Variants in CORIN observed in about 807,000 individuals in gnomAD.
CORIN encodes the protein atrial natriuretic peptide-converting enzyme.
CORIN carries 117 observed loss-of-function variants against 125.3 expected under a neutral mutation model. The ratio of observed to expected loss-of-function variants is 0.93; its 90% CI spans 0.80 to 1.09. The LOEUF (loss-of-function observed/expected upper bound fraction) is 1.09. Among genes scored for constraint, CORIN ranks in the 50% least tolerant of loss-of-function variants. CORIN has a pLI of 0.00. For synonymous variants in CORIN, 450 were observed against 466.4 expected (o/e 0.96, Z 0.45); for missense variants, 1,253 against 1,306.7 (o/e 0.96, Z 0.63).
intron 19 of CORIN, among the ~76,000 whole-genome samples, chr4:47,606,548 C>T (rs922445561): frequency 1.3e-4 from 20 of 152,152 alleles, no homozygotes; most frequent in Admixed American, 6.5e-5. Context: ...GCCACCAAGC[C>T]CAGCCCAGAA....
chr4:47,595,132 G>A lies in CORIN; in HGVS notation c.*589C>T, dbSNP rs936913272. The A allele has an allele frequency of 8.5e-5, 13 of 152,054 alleles. No individual in the cohort carries two copies. Among genetic ancestry groups the A allele is most frequent in the African/African-American group, 4.8e-5 (2 of 41,392 alleles). The allele number at this position is 152,054 out of a possible 1,614,324, so 9.4% of individuals were successfully genotyped here. ...CTTGGCTTTTAATAAATCAAATGAC[G>A]AGTTACTGGGTTCAGCACACCAACA... is the stretch of plus-strand genomic sequence containing the variant. On this transcript the variant is annotated 3_prime_UTR_variant, in exon 22 of 22. Coordinates refer to ENST00000273857, the MANE Select transcript of CORIN (RefSeq NM_006587.4).
chr4:47,615,284 G>C (rs1275916736), intron 19 of CORIN, among the ~76,000 whole-genome samples: 1 of 152,146 alleles, frequency 6.6e-6, no homozygotes, highest in Admixed American at 6.5e-5. Context: ...CCAATGTAGG[G>C]TTTTAAGCAG....
chr4:47,665,094 A>G lies in CORIN; in HGVS notation c.1527T>C (p.Phe509=). Residue 509 remains phenylalanine (F), a synonymous_variant, in exon 11 of 22, where the codon TTT becomes TTC. Coordinates refer to ENST00000273857, the MANE Select transcript of CORIN (RefSeq NM_006587.4). ...QTNCYKYLMF[F]SCTILVPKCD... ...ATTTTGGTACCAAAATGGTGCAAGA[A>G]AAGAACATGAGGTATTTATAACAGT... The G allele has an allele frequency of 6.2e-7, 1 of 1,613,882 alleles. No homozygotes were observed. The highest frequency in any genetic ancestry group is 2.2e-5 in the East Asian group (1 of 44,838).
chr4:47,831,234 T>A (rs1238577382), intron 1 of CORIN, among the ~76,000 whole-genome samples: 1 of 152,194 alleles, frequency 6.6e-6, no homozygotes, highest in Non-Finnish European at 1.5e-5. Context: ...TGTAGAAATG[T>A]ATTGCAGGAG....
intron 5 of CORIN, among the ~76,000 whole-genome samples, chr4:47,720,655 T>G (rs754611697): frequency 5.3e-5 from 8 of 152,234 alleles, no homozygotes; most frequent in Non-Finnish European, 1.0e-4. Flanking sequence ...AACTCATCCC[T>G]TCTTTCGTGG....
chr4:47,618,651 T>C (rs1425182008), intron 19 of CORIN, among the ~76,000 whole-genome samples: 4 of 150,486 alleles, frequency 2.7e-5, no homozygotes, highest in Admixed American at 6.6e-5. Context: ...AACCCCGTCT[T>C]TACTAAAAAT....
chr4:47,825,323 CGAGGTATTCT>C (rs1489608876), intron 1 of CORIN, among the ~76,000 whole-genome samples: 3 of 152,128 alleles, frequency 2.0e-5, no homozygotes, highest in Non-Finnish European at 2.9e-5. Flanking sequence ...CCCTTGCAGG[CGAGGTATTCT>C]GCCGGGCTTT....
At chr4:47,606,500 C>T (rs1721649002) in intron 19 of CORIN, among the ~76,000 whole-genome samples, 1 of 152,090 alleles carries the variant, frequency 6.6e-6, no homozygotes, top group Non-Finnish European at 1.5e-5. Flanking sequence ...CTCAAGCAAT[C>T]CTCCCGCCTT....
At chr4:47,625,334 T>C (rs1286369863) in intron 17 of CORIN, among the ~76,000 whole-genome samples, 2 of 152,062 alleles carry the variant, frequency 1.3e-5, no homozygotes, top group Non-Finnish European at 2.9e-5. Context: ...TCATCCAACT[T>C]CTTAGTGGAA....
At chr4:47,675,640 C>T (rs764746829) in intron 9 of CORIN, among the ~76,000 whole-genome samples, 2 of 152,130 alleles carry the variant, frequency 1.3e-5, no homozygotes, top group Non-Finnish European at 2.9e-5. Flanking sequence ...GCATAATACC[C>T]CCTGGGAAGT....
At chr4:47,724,088 G>A (rs981182350) in intron 5 of CORIN, among the ~76,000 whole-genome samples, 1 of 151,446 alleles carries the variant, frequency 6.6e-6, no homozygotes, top group African/African-American at 2.4e-5. Flanking sequence ...TGACCTAGAT[G>A]TTGAAATTAT....
At chr4:47,773,723 A>C (rs1447983167) in intron 3 of CORIN, among the ~76,000 whole-genome samples, 1 of 151,986 alleles carries the variant, frequency 6.6e-6, no homozygotes, top group Admixed American at 6.6e-5. Flanking sequence ...AATACACATA[A>C]AACATGTCAT....
At chr4:47,639,334 T>G (rs1723147908) in intron 16 of CORIN, among the ~76,000 whole-genome samples, 1 of 152,200 alleles carries the variant, frequency 6.6e-6, no homozygotes, top group South Asian at 2.1e-4. Flanking sequence ...GCAAAATATC[T>G]GGACTTTTTT....
At chr4:47,745,776 C>A (rs1728636266) in intron 4 of CORIN, among the ~76,000 whole-genome samples, 2 of 152,178 alleles carry the variant, frequency 1.3e-5, no homozygotes, top group Admixed American at 1.3e-4. Context: ...GATAGGCCAG[C>A]CGTTGAGATC....
At chr4:47,658,926 C>T (rs1342422226) in intron 12 of CORIN, among the ~76,000 whole-genome samples, 3 of 152,222 alleles carry the variant, frequency 2.0e-5, no homozygotes, top group Non-Finnish European at 4.4e-5. Context: ...GCTCCTGTAT[C>T]TGAGCACAGG....
At chr4:47,760,224 T>G (rs1474656608) in intron 4 of CORIN, among the ~76,000 whole-genome samples, 1 of 152,202 alleles carries the variant, frequency 6.6e-6, no homozygotes, top group Non-Finnish European at 1.5e-5. Flanking sequence ...GAAAACAACA[T>G]TCATCTCCTC....
chr4:47,787,706 T>G (rs1056969904), intron 2 of CORIN, among the ~76,000 whole-genome samples: 1 of 152,242 alleles, frequency 6.6e-6, no homozygotes, highest in Non-Finnish European at 1.5e-5. Context: ...GAGATTTTGG[T>G]GCACCCATGC....
chr4:47,741,379 A>G (rs1728389020), intron 5 of CORIN, among the ~76,000 whole-genome samples: 1 of 152,080 alleles, frequency 6.6e-6, no homozygotes, highest in African/African-American at 2.4e-5. Flanking sequence ...AATCAAAACC[A>G]CAATGGGATA....
intron 6 of CORIN, among the ~76,000 whole-genome samples, chr4:47,688,733 A>G (rs1360448638): frequency 6.6e-6 from 1 of 152,248 alleles, no homozygotes; most frequent in African/African-American, 2.4e-5. Flanking sequence ...TAGCTAAAAC[A>G]TGATTCATAC....
Sources: gnomAD v4.1 joint callset for allele counts (sites outside exome capture counted in the v4.1 genomes callset) on GRCh38, gnomAD v4.1.1 for gene constraint, MANE v1.5 for transcripts, NCBI Gene and HGNC (gene_info 2026-07-23, HGNC 2026-07-21) for gene names.